CCNYL1: variants seen among roughly 807,000 people sequenced by gnomAD.
CCNYL1 encodes the protein cyclin Y like 1, also known as cyclin-Y-like protein 1.
In CCNYL1, 16 loss-of-function variants were observed where a neutral mutation model predicts 44.2. The ratio of observed to expected loss-of-function variants is 0.36; its 90% confidence interval spans 0.25 to 0.55. The LOEUF (loss-of-function observed/expected upper bound fraction) is 0.55, where lower values mean the gene tolerates loss of function less well. Among genes scored for constraint, CCNYL1 ranks in the 20% least tolerant of loss-of-function variants. The pLI, the probability that CCNYL1 is intolerant of heterozygous loss-of-function variation, is 0.85. For missense variants in CCNYL1, 348 were observed against 451.8 expected (o/e 0.77, Z 2.08); for synonymous variants, 159 against 163.2 (o/e 0.97, Z 0.20).
rs530631703 is a variant in CCNYL1, at chr2:207,749,447, C to T, written c.807-1510C>T. On this transcript the variant is annotated intron_variant, in intron 8 of 9. Transcript: ENST00000295414. ...TTAAACTGAGCAGCTGCTATTCAGA[C>T]GGTTTGCTGTGCCTGTAAAGGGTAT... Among the ~76,000 whole-genome samples, 16 of 152,176 alleles carry T rather than the reference C, an allele frequency of 1.1e-4. No individual in the cohort carries two copies. The East Asian group carries it at 1.9e-3, about 18-fold the overall frequency.
At chr2:207,738,546 T>A (rs918984402) in intron 5 of CCNYL1, among the ~76,000 whole-genome samples, 1 of 151,836 alleles carries the variant, frequency 6.6e-6, no homozygotes, top group African/African-American at 2.4e-5. Flanking sequence ...TACCCAACAC[T>A]CCACAAGTGC....
intron 7 of CCNYL1, among the ~76,000 whole-genome samples, chr2:207,744,063 A>T (rs1457143040): frequency 2.6e-5 from 4 of 152,206 alleles, no homozygotes. Context: ...ATGAAGCAGC[A>T]TAAAGGGATA....
chr2:207,742,380 T>C (rs758580864), intron 7 of CCNYL1, 38 bp downstream of exon 7: 1 of 1,593,078 alleles, frequency 6.3e-7, no homozygotes, highest in South Asian at 1.1e-5. Context: ...CTTTAGAAAT[T>C]AGTCTTGTAC....
chr2:207,716,905 C>T (rs1001702229), intron 1 of CCNYL1, among the ~76,000 whole-genome samples: 2 of 152,008 alleles, frequency 1.3e-5, no homozygotes, highest in South Asian at 2.1e-4. Flanking sequence ...GTCAGGAGAT[C>T]GAGACCATCC....
chr2:207,724,814 T>G lies in CCNYL1; in HGVS notation c.235T>G (p.Ser79Ala), dbSNP rs779215198. ...CTCTTCTATAGATTTAGCTTTGGAG[T>G]CAAACCCTTCTGACCATCCAAGGGC... ...REMPEDLALE[S>A]NPSDHPRAST... is the part of the protein sequence containing the mutation. Residue 79 changes from serine to alanine, a missense_variant, in exon 2 of 10, where the codon TCA becomes GCA. By Grantham distance (99) the Ser-to-Ala change is moderately conservative. Around this residue, in one of 3 missense-constraint regions of CCNYL1, gnomAD observed 209 missense variants for 247.7 expected, o/e 0.84. Coordinates refer to ENST00000295414, the MANE Select transcript of CCNYL1 (RefSeq NM_001330218.2). 1.2e-6 allele frequency: 2 copies of G among 1,613,510 alleles called. No individual in the cohort carries two copies. The highest frequency in any genetic ancestry group is 3.3e-5 in the Admixed American group (2 of 59,958).
At chr2:207,736,866 T>G (rs940545144) in intron 4 of CCNYL1, among the ~76,000 whole-genome samples, 2 of 152,084 alleles carry the variant, frequency 1.3e-5, no homozygotes, top group African/African-American at 4.8e-5. Context: ...ATGTAATTAT[T>G]TATATATTAT....
intron 1 of CCNYL1, among the ~76,000 whole-genome samples, chr2:207,721,829 A>G (rs1575210340): frequency 6.9e-6 from 1 of 144,452 alleles, no homozygotes; most frequent in African/African-American, 2.6e-5. Context: ...CTGCCTCCTG[A>G]GCTCAAGCAA....
At chr2:207,721,015 G>A (rs2091636508) in intron 1 of CCNYL1, among the ~76,000 whole-genome samples, 1 of 152,100 alleles carries the variant, frequency 6.6e-6, no homozygotes, top group Admixed American at 6.6e-5. Flanking sequence ...GGCAGCTCAA[G>A]ACCCATCAGG....
At chr2:207,715,046 G>C (rs2091582718) in intron 1 of CCNYL1, among the ~76,000 whole-genome samples, 1 of 152,182 alleles carries the variant, frequency 6.6e-6, no homozygotes, top group Non-Finnish European at 1.5e-5. Context: ...GAGGTGGGCG[G>C]ATCACGAGGT....
intron 3 of CCNYL1, among the ~76,000 whole-genome samples, chr2:207,728,006 C>T (rs1298009757): frequency 6.6e-6 from 1 of 151,628 alleles, no homozygotes; most frequent in Non-Finnish European, 1.5e-5. Flanking sequence ...TCTTGTCCCC[C>T]AGGCTGGAGT....
chr2:207,726,919 A>G, intron 3 of CCNYL1, 43 bp downstream of exon 3: 2 of 1,398,354 alleles, frequency 1.4e-6, no homozygotes, highest in Non-Finnish European at 1.9e-6. Flanking sequence ...CAGTTGAATT[A>G]AAAGTATGTC....
intron 1 of CCNYL1, among the ~76,000 whole-genome samples, chr2:207,723,360 TAGAC>T (rs1259672981): frequency 1.3e-5 from 2 of 152,224 alleles, no homozygotes. Flanking sequence ...AATGCTGAGT[TAGAC>T]AGTAATCACT....
intron 4 of CCNYL1, 128 bp downstream of exon 4, chr2:207,734,175 A>G: frequency 1.8e-6 from 1 of 566,962 alleles, no homozygotes; most frequent in Non-Finnish European, 3.2e-6. Flanking sequence ...ATCGGTGTCA[A>G]CTATATATTG....
chr2:207,712,514 A>G (rs1320373197), intron 1 of CCNYL1, among the ~76,000 whole-genome samples: 1 of 151,714 alleles, frequency 6.6e-6, no homozygotes, highest in East Asian at 1.9e-4. Context: ...CCCTCCCTTA[A>G]CCCATCCAGA....
chr2:207,742,467 A>G, intron 7 of CCNYL1, 125 bp downstream of exon 7: 1 of 873,554 alleles, frequency 1.1e-6, no homozygotes, highest in Non-Finnish European at 1.7e-6. Flanking sequence ...AACCTATGAA[A>G]GGAACATAAA....
At chr2:207,718,093 A>T (rs910296074) in intron 1 of CCNYL1, among the ~76,000 whole-genome samples, 1 of 151,730 alleles carries the variant, frequency 6.6e-6, no homozygotes, top group African/African-American at 2.4e-5. Context: ...TTTAATAGAG[A>T]TGGGGTTTCT....
rs139281065 is a variant in CCNYL1 at position 207,730,261 on chromosome 2, T to C, written c.330+3385T>C. Among the ~76,000 whole-genome samples, 2 of 152,278 alleles carry C rather than the reference T, an allele frequency of 1.3e-5. 1 individual carries two copies. Among genetic ancestry groups the C allele is most frequent in the East Asian group, 3.9e-4 (2 of 5,184 alleles). ...TGGACCTGGGACTCCAACTACATAT[T>C]TTCAGCCGACCTTGCTGGCTTTTGT... On this transcript the variant is annotated intron_variant, in intron 3 of 9. Transcript: ENST00000295414.
chr2:207,724,771 TGTCAC>T, intron 1 of CCNYL1, 24 bp from the exon 2 acceptor site: 1 of 1,505,530 alleles, frequency 6.6e-7, no homozygotes, highest in Non-Finnish European at 9.2e-7. Flanking sequence ...TCACCTAAAG[TGTCAC>T]GTCTTTTTCC....
Position 207,755,516 on chromosome 2 carries a change from A to G in CCNYL1, c.*1818A>G, listed in dbSNP as rs2091925802. ...ATCTCCATAAAATGCCCTCTTTTTA[A>G]AAGTAGTTACCCGCAGAGCTGTGCT... On this transcript the variant is annotated 3_prime_UTR_variant, in exon 10 of 10. Transcript: ENST00000295414. The G allele has an allele frequency of 6.6e-6, 1 of 152,228 alleles. No individual in the cohort carries two copies. The highest frequency in any genetic ancestry group is 1.5e-5 in the Non-Finnish European group (1 of 68,032). The allele number at this position is 152,228 out of a possible 1,614,324, so 9.4% of individuals were successfully genotyped here.
Sources: gnomAD v4.1 joint callset for allele counts (sites outside exome capture counted in the v4.1 genomes callset) on GRCh38, gnomAD v4.1.1 for gene constraint, gnomAD v4.1.1 regional missense constraint, MANE v1.5 for transcripts, NCBI Gene and HGNC (gene_info 2026-07-23, HGNC 2026-07-21) for gene names.